The following TMEM167B variants were observed in gnomAD, a reference collection of about 807,000 sequenced individuals.
TMEM167B encodes protein kish-B.
TMEM167B carries 2 observed loss-of-function variants against 9.4 expected under a neutral mutation model. The observed-to-expected ratio is 0.21, with a 90% CI of 0.09 to 0.67. The LOEUF is 0.67. Among genes scored for constraint, TMEM167B ranks in the 30% least tolerant of loss-of-function variants. The probability of loss-of-function intolerance (pLI) is 0.82; values close to 1 mark genes in which losing one functional copy is unlikely to be tolerated. For synonymous variants in TMEM167B, 28 were observed against 32.0 expected, an observed-to-expected ratio of 0.87 and a Z score of 0.42; for missense variants, 68 against 87.6, an observed-to-expected ratio of 0.78 and a Z score of 0.89.
intron 1 of TMEM167B, among the ~76,000 whole-genome samples, chr1:109,092,223 T>G (rs1014887142): frequency 2.0e-5 from 3 of 152,200 alleles, no homozygotes; most frequent in African/African-American, 7.2e-5. Flanking sequence ...TGGCAGAAAT[T>G]CGGTTTGTTA....
chr1:109,090,897 C>T lies in TMEM167B; in HGVS notation c.10+15C>T. 9 of 1,589,208 alleles carry T rather than the reference C, an allele frequency of 5.7e-6. No individual in the cohort carries two copies. The highest frequency in any genetic ancestry group is 1.1e-5 in the South Asian group (1 of 87,322). ...CATGACGAACGGTGAGAACTGATGCCCTGAGCGGAGGGTGGGAGTGAAGGA... is the reference window on the plus strand; with the variant it reads ...CATGACGAACGGTGAGAACTGATGCTCTGAGCGGAGGGTGGGAGTGAAGGA... On this transcript the variant is annotated intron_variant, in intron 1 of 2. Coordinates refer to ENST00000338272, the MANE Select transcript of TMEM167B (RefSeq NM_020141.4).
At position 109,095,470 on chromosome 1, in the gene TMEM167B, C is replaced by T. The variant is rs1369951865; in HGVS notation, c.*971C>T. 3 of 151,862 alleles carry T rather than the reference C, an allele frequency of 2.0e-5. No homozygotes were observed. The highest frequency in any genetic ancestry group is 2.1e-4 in the South Asian group (1 of 4,812). 9.4% of individuals were successfully genotyped at this position (151,862 alleles called of 1,614,324 possible). On this transcript the variant is annotated 3_prime_UTR_variant, in exon 3 of 3. Coordinates refer to ENST00000338272, the MANE Select transcript of TMEM167B (RefSeq NM_020141.4). The stretch of plus-strand genomic sequence containing the variant: ...CTAGTAAATTCATCTAGTATAAGAA[C>T]TTGTGATGTTAGATTGAAGTTTTGT...
At position 109,093,033 on chromosome 1, in the gene TMEM167B, T is replaced by G. The variant is rs1185476812; in HGVS notation, c.142+12T>G. ...TGTGTTTTACAAAGGTGAGGCCATGTCTGGACAGGGAGAAGAGACTGCCAT... is the reference window on the plus strand; with the variant it reads ...TGTGTTTTACAAAGGTGAGGCCATGGCTGGACAGGGAGAAGAGACTGCCAT... On this transcript the variant is annotated intron_variant, in intron 2 of 2. Coordinates refer to ENST00000338272, the MANE Select transcript of TMEM167B (RefSeq NM_020141.4). 1 of 1,614,054 alleles carries G rather than the reference T, an allele frequency of 6.2e-7. No individual in the cohort carries two copies.
intron 2 of TMEM167B, chr1:109,093,595 CT>C (rs1557994103): frequency 6.6e-6 from 1 of 152,106 alleles, no homozygotes; most frequent in East Asian, 1.9e-4. Context: ...TCATTTTAGG[CT>C]GGGGTGGAAT....
rs1284738328 is a variant in TMEM167B, at chr1:109,094,524, C to G, written c.*25C>G. On this transcript the variant is annotated 3_prime_UTR_variant, in exon 3 of 3. Coordinates refer to ENST00000338272, the MANE Select transcript of TMEM167B (RefSeq NM_020141.4). ...AATTCCAAAGCACCCAAGTCATCAACTGCCAACCAAGGGGACGGGGATGAA... is the reference window on the plus strand; with the variant it reads ...AATTCCAAAGCACCCAAGTCATCAAGTGCCAACCAAGGGGACGGGGATGAA... 1 of 1,611,058 alleles carries G rather than the reference C, an allele frequency of 6.2e-7. No homozygotes were observed. Among genetic ancestry groups the G allele is most frequent in the African/African-American group, 1.3e-5 (1 of 74,842 alleles).
intron 2 of TMEM167B, chr1:109,093,629 A>T (rs1478595330): frequency 1.3e-5 from 2 of 152,256 alleles, no homozygotes; most frequent in East Asian, 1.9e-4. Flanking sequence ...TGGGAAAAAA[A>T]TTTTTCTACG....
chr1:109,094,314 C>T (rs1664518673), intron 2 of TMEM167B, 103 bp from the exon 3 acceptor site: 5 of 1,124,254 alleles, frequency 4.4e-6, no homozygotes, highest in East Asian at 4.7e-5. Context: ...CCCTTGAGAG[C>T]GTTGATATGT....
In TMEM167B at chr1:109,096,909, T is replaced by G. The variant is rs1664578578; in HGVS notation, c.*2410T>G. ...ATTCACCATTGTCTGCACAAATCCT[T>G]GAAAATAAACCTTTTTTTCCCTACA... is the stretch of plus-strand genomic sequence containing the variant. On this transcript the variant is annotated 3_prime_UTR_variant, in exon 3 of 3. Coordinates refer to ENST00000338272, the MANE Select transcript of TMEM167B (RefSeq NM_020141.4). The G allele has an allele frequency of 6.6e-6, 1 of 152,220 alleles. No homozygotes were observed. The highest frequency in any genetic ancestry group is 2.4e-5 in the African/African-American group (1 of 41,462). 9.4% of individuals were successfully genotyped at this position (152,220 alleles called of 1,614,324 possible).
In TMEM167B at chr1:109,094,469, A is replaced by C. The variant is rs747166363; in HGVS notation, c.195A>C (p.Val65=). 6.2e-7 allele frequency: 1 copy of C among 1,613,998 alleles called. No individual in the cohort carries two copies. The highest frequency in any genetic ancestry group is 8.5e-7 in the Non-Finnish European group (1 of 1,180,028). The part of the protein sequence containing the change: ...LHAAVAIACV[V]MAFYVLFIK ...CTGCTGTGGCAATTGCTTGTGTTGT[A>C]ATGGCCTTTTACGTCCTGTTTATAA... is the stretch of plus-strand genomic sequence containing the variant. The change falls in exon 3 of 3, where the codon GTA becomes GTC. Residue 65 remains valine, a synonymous_variant. Transcript: ENST00000338272.
At position 109,094,522 on chromosome 1, in the gene TMEM167B, A is replaced by T; in HGVS notation, c.*23A>T. ...TGAATTCCAAAGCACCCAAGTCATC[A>T]ACTGCCAACCAAGGGGACGGGGATG... On this transcript the variant is annotated 3_prime_UTR_variant, in exon 3 of 3. Transcript: ENST00000338272. The T allele has an allele frequency of 6.2e-7, 1 of 1,611,780 alleles. No homozygotes were observed. Among genetic ancestry groups the T allele is most frequent in the South Asian group, 1.1e-5 (1 of 90,994 alleles).
At position 109,093,259 on chromosome 1, in the gene TMEM167B, A is replaced by T. The variant is rs1267570232; in HGVS notation, c.142+238A>T. On this transcript the variant is annotated intron_variant, in intron 2 of 2. Transcript: ENST00000338272. ...ATAATCTCAGCACTTTGGGGGGCCA[A>T]GGCAGGAGGATTGCTTGTGTCCAGG... 8.5e-6 allele frequency: 4 copies of T among 471,000 alleles called. No homozygotes were observed. In the East Asian group the frequency reaches 1.7e-4, roughly 20 times the overall value. The allele number at this position is 471,000 out of a possible 1,614,324, so 29.2% of individuals were successfully genotyped here. A position where few individuals can be genotyped will look rare whatever the true frequency, so the allele number is the denominator to read the frequency against.
In TMEM167B at chr1:109,095,353, G is replaced by C. The variant is rs937314662; in HGVS notation, c.*854G>C. 1 of 151,974 alleles carries C rather than the reference G, an allele frequency of 6.6e-6. No homozygotes were observed. The highest frequency in any genetic ancestry group is 2.1e-4 in the South Asian group (1 of 4,822). 9.4% of individuals were successfully genotyped at this position (151,974 alleles called of 1,614,324 possible). ...ACTGTTACTCAGTTTTAAATGCCAC[G>C]ACTAGGGGAAAAAGAAACTATTGAA... is the stretch of plus-strand genomic sequence containing the variant. On this transcript the variant is annotated 3_prime_UTR_variant, in exon 3 of 3. Coordinates refer to ENST00000338272, the MANE Select transcript of TMEM167B (RefSeq NM_020141.4).
At chr1:109,093,098 A>C in intron 2 of TMEM167B, 77 bp downstream of exon 2, 1 of 1,551,092 alleles carries the variant, frequency 6.4e-7, no homozygotes, top group Non-Finnish European at 8.7e-7. Flanking sequence ...GAGTACAGTG[A>C]GCTGGGATTA....
chr1:109,095,584 T>C lies in TMEM167B; in HGVS notation c.*1085T>C, dbSNP rs1376625849. 1 of 152,226 alleles carries C rather than the reference T, an allele frequency of 6.6e-6. No homozygotes were observed. Among genetic ancestry groups the C allele is most frequent in the African/African-American group, 2.4e-5 (1 of 41,458 alleles). 9.4% of individuals were successfully genotyped at this position (152,226 alleles called of 1,614,324 possible). Reference sequence around the variant, plus strand: ...TGATTACTTATTTTTCTTAGCCAAATTTTAATTTTCTTCATATTGCATTGC... The same window carrying C: ...TGATTACTTATTTTTCTTAGCCAAACTTTAATTTTCTTCATATTGCATTGC... On this transcript the variant is annotated 3_prime_UTR_variant, in exon 3 of 3. Coordinates refer to ENST00000338272, the MANE Select transcript of TMEM167B (RefSeq NM_020141.4).
At chr1:109,092,840 T>C in intron 1 of TMEM167B, 50 bp from the exon 2 acceptor site, 1 of 1,601,568 alleles carries the variant, frequency 6.2e-7, no homozygotes, top group Non-Finnish European at 8.5e-7. Flanking sequence ...GGATCACAGG[T>C]CCGACGCTAG....
chr1:109,092,779 T>G, intron 1 of TMEM167B, 111 bp from the exon 2 acceptor site: 1 of 1,236,874 alleles, frequency 8.1e-7, no homozygotes, highest in Non-Finnish European at 1.1e-6. Flanking sequence ...CCTGTTGAGG[T>G]TATTATTTTG....
At position 109,092,807 on chromosome 1, in the gene TMEM167B, A is replaced by G. The variant is rs969155851; in HGVS notation, c.11-83A>G. 21 of 1,498,254 alleles carry G rather than the reference A, an allele frequency of 1.4e-5. 1 individual carries two copies. The highest frequency in any genetic ancestry group is 4.6e-6 in the Non-Finnish European group (5 of 1,097,732). 92.8% of individuals were successfully genotyped at this position (1,498,254 alleles called of 1,614,324 possible). A position where few individuals can be genotyped will look rare whatever the true frequency, so the allele number is the denominator to read the frequency against. ...TTATTTTGTTATTATGTCACACACT[A>G]TCTTCCTTAGAGTTCTCAGGCGGGA... is the stretch of plus-strand genomic sequence containing the variant. On this transcript the variant is annotated intron_variant, in intron 1 of 2. Coordinates refer to ENST00000338272, the MANE Select transcript of TMEM167B (RefSeq NM_020141.4).
At chr1:109,092,781 ATTATT>A in intron 1 of TMEM167B, 104 bp from the exon 2 acceptor site, 3 of 1,266,816 alleles carry the variant, frequency 2.4e-6, no homozygotes, top group Non-Finnish European at 3.3e-6. Flanking sequence ...TGTTGAGGTT[ATTATT>A]TTGTTATTAT....
Position 109,093,007 on chromosome 1 carries a change from G to T in TMEM167B, c.128G>T (p.Gly43Val), listed in dbSNP as rs1057362222. 1.9e-6 allele frequency: 3 copies of T among 1,614,044 alleles called. No individual in the cohort carries two copies. Among genetic ancestry groups the T allele is most frequent in the Non-Finnish European group, 2.5e-6 (3 of 1,180,026 alleles). ...CTATCAGAGAAGAAGGGTGTTTGGGGTGTGTTTTACAAAGGTGAGGCCATG... is the reference window on the plus strand; with the variant it reads ...CTATCAGAGAAGAAGGGTGTTTGGGTTGTGTTTTACAAAGGTGAGGCCATG... ...WLLSEKKGVW[G>V]VFYKAAVIGT... is the part of the protein sequence containing the mutation. Residue 43 changes from glycine to valine, a missense_variant, in exon 2 of 3, where the codon GGT becomes GTT. By Grantham distance (109) the Gly-to-Val change is moderately radical. Transcript: ENST00000338272.
Sources: allele counts gnomAD v4.1 joint callset (sites outside exome capture counted in the v4.1 genomes callset), GRCh38; gene constraint gnomAD v4.1.1; transcripts MANE v1.5; gene names NCBI Gene and HGNC (gene_info 2026-07-23, HGNC 2026-07-21).